The following RIMS2 variants were observed in gnomAD, a reference collection of about 807,000 sequenced individuals.
The protein encoded by RIMS2 is regulating synaptic membrane exocytosis protein 2.
A neutral mutation model predicts 174.4 loss-of-function variants in RIMS2; 59 were observed. The ratio of observed to expected loss-of-function variants is 0.34; its 90% CI spans 0.27 to 0.42. The LOEUF (loss-of-function observed/expected upper bound fraction) is 0.42, where lower values mean the gene tolerates loss of function less well. RIMS2 is among the 10% of genes least tolerant of loss of function. The probability of loss-of-function intolerance (pLI) is 1.00; values close to 1 mark genes in which losing one functional copy is unlikely to be tolerated. For synonymous variants in RIMS2, 606 were observed against 572.5 expected, an observed-to-expected ratio of 1.06 and a Z score of -0.84; for missense variants, 1,620 against 1,666.3, an observed-to-expected ratio of 0.97 and a Z score of 0.48.
At position 103,569,781 on chromosome 8, in the gene RIMS2, T is replaced by C. The variant is rs540890837; in HGVS notation, c.176+68719T>C. Among the ~76,000 whole-genome samples, 118 of 144,564 alleles carry C rather than the reference T, an allele frequency of 8.2e-4. 1 individual carries two copies. Among genetic ancestry groups the C allele is most frequent in the Non-Finnish European group, 1.5e-3 (100 of 66,072 alleles). The allele number at this position is 144,564 out of a possible 152,430, so 94.8% of individuals were successfully genotyped here. A position where few individuals can be genotyped will look rare whatever the true frequency, so the allele number is the denominator to read the frequency against. ...ACAAGCATGTGCTACTGCCCCTGGC[T>C]AATTTTAATTTTTTTTTTTTTTTTG... On this transcript the variant is annotated intron_variant, in intron 1 of 23. Transcript: ENST00000504942.
chr8:104,233,468 C>A (rs2099242212), intron 19 of RIMS2, among the ~76,000 whole-genome samples: 1 of 152,156 alleles, frequency 6.6e-6, no homozygotes, highest in Non-Finnish European at 1.5e-5. Context: ...AATCAGTCAT[C>A]TGTAGGAGTT....
At chr8:103,707,480 C>T (rs2097247381) in intron 2 of RIMS2, among the ~76,000 whole-genome samples, 1 of 152,160 alleles carries the variant, frequency 6.6e-6, no homozygotes, top group Non-Finnish European at 1.5e-5. Context: ...GTAGCCATTT[C>T]AGCACTAGAG....
At chr8:103,590,651 A>G (rs574566731) in intron 1 of RIMS2, among the ~76,000 whole-genome samples, 5 of 150,846 alleles carry the variant, frequency 3.3e-5, no homozygotes, top group African/African-American at 1.2e-4. Context: ...TCTATCGTAT[A>G]TTTTATCCAC....
intron 3 of RIMS2, among the ~76,000 whole-genome samples, chr8:103,859,672 G>A (rs1317380416): frequency 6.6e-6 from 1 of 151,860 alleles, no homozygotes; most frequent in African/African-American, 2.4e-5. Context: ...TATATAGCAG[G>A]AACAAGCAAA....
intron 19 of RIMS2, among the ~76,000 whole-genome samples, chr8:104,130,364 C>T (rs1475856031): frequency 6.6e-6 from 1 of 152,192 alleles, no homozygotes; most frequent in African/African-American, 2.4e-5. Flanking sequence ...CAATTTGACG[C>T]CACCTGGTGG....
intron 3 of RIMS2, among the ~76,000 whole-genome samples, chr8:103,877,407 T>A (rs577290043): frequency 6.6e-6 from 1 of 152,024 alleles, no homozygotes. Context: ...TTTGTTTTTT[T>A]CTTGCTTATT....
chr8:104,041,301 T>C (rs2096604160), intron 19 of RIMS2, 25 bp from the exon 22 acceptor site: 2 of 685,990 alleles, frequency 2.9e-6, no homozygotes, highest in Non-Finnish European at 5.4e-6. Flanking sequence ...TGTCTATGTC[T>C]GTCCATTACA....
intron 19 of RIMS2, among the ~76,000 whole-genome samples, chr8:104,030,155 A>G (rs78170457): frequency 0.013 from 2,014 of 152,244 alleles, 28 homozygotes; most frequent in Middle Eastern, 0.11. Context: ...AGGATACCAG[A>G]GCATTGTGTA....
At chr8:104,071,779 G>A (rs771450198) in intron 19 of RIMS2, among the ~76,000 whole-genome samples, 3 of 152,122 alleles carry the variant, frequency 2.0e-5, no homozygotes, top group Non-Finnish European at 2.9e-5. Flanking sequence ...TTCTGATGTA[G>A]ACTAAAGTTT....
At chr8:103,622,719 A>AT (rs1475024937) in intron 1 of RIMS2, among the ~76,000 whole-genome samples, 1 of 152,130 alleles carries the variant, frequency 6.6e-6, no homozygotes, top group Admixed American at 6.5e-5. Flanking sequence ...TGATAACCTT[A>AT]TATGCTCTCC....
chr8:103,850,780 T>C (rs545177382), intron 3 of RIMS2, among the ~76,000 whole-genome samples: 4 of 152,190 alleles, frequency 2.6e-5, no homozygotes, highest in South Asian at 2.1e-4. Flanking sequence ...GACTGAAATG[T>C]ACCAGATCTG....
At chr8:103,534,584 G>A (rs1210877146) in intron 1 of RIMS2, among the ~76,000 whole-genome samples, 7 of 150,438 alleles carry the variant, frequency 4.7e-5, no homozygotes. Flanking sequence ...TCCTATCTGT[G>A]CAAAAATATA....
At chr8:104,041,574 G>A (rs1010349504) in intron 19 of RIMS2, among the ~76,000 whole-genome samples, 1 of 151,530 alleles carries the variant, frequency 6.6e-6, no homozygotes, top group Non-Finnish European at 1.5e-5. Context: ...TAATTTTTAT[G>A]TAATATGTAT....
chr8:103,830,610 T>C (rs2098819677), intron 3 of RIMS2, among the ~76,000 whole-genome samples: 1 of 152,190 alleles, frequency 6.6e-6, no homozygotes, highest in Admixed American at 6.5e-5. Context: ...TCTATAAATG[T>C]CAATTATGTC....
intron 1 of RIMS2, among the ~76,000 whole-genome samples, chr8:103,528,917 A>T (rs1835485000): frequency 1.3e-5 from 2 of 152,162 alleles, no homozygotes; most frequent in Admixed American, 6.5e-5. Context: ...AGTTTTTTCC[A>T]ATTCTGTGAA....
At chr8:104,199,106 G>A (rs887754691) in intron 19 of RIMS2, among the ~76,000 whole-genome samples, 21 of 152,004 alleles carry the variant, frequency 1.4e-4, no homozygotes, top group Non-Finnish European at 2.5e-4. Context: ...TTGTCGCTCA[G>A]GCTGGAGTGC....
chr8:103,954,701 G>C (rs533548997), intron 14 of RIMS2, among the ~76,000 whole-genome samples: 1 of 151,622 alleles, frequency 6.6e-6, no homozygotes, highest in South Asian at 2.1e-4. Flanking sequence ...AACTAGAGAA[G>C]CAAGAGCAAA....
At chr8:103,958,047 A>T (rs938998550) in intron 14 of RIMS2, among the ~76,000 whole-genome samples, 1 of 152,192 alleles carries the variant, frequency 6.6e-6, no homozygotes, top group Non-Finnish European at 1.5e-5. Context: ...CAATCCCATT[A>T]CTGGGTATAT....
At chr8:104,170,431 T>C (rs1241524269) in intron 19 of RIMS2, among the ~76,000 whole-genome samples, 1 of 152,006 alleles carries the variant, frequency 6.6e-6, no homozygotes, top group East Asian at 1.9e-4. Flanking sequence ...ATGGTTCTTG[T>C]CTTTTTTTAC....
Sources: gnomAD v4.1 joint callset for allele counts (sites outside exome capture counted in the v4.1 genomes callset) on GRCh38, gnomAD v4.1.1 for gene constraint, MANE v1.5 for transcripts, NCBI Gene and HGNC (gene_info 2026-07-23, HGNC 2026-07-21) for gene names.